The following PARP4 variants were observed in gnomAD, a reference collection of about 807,000 sequenced individuals.
PARP4 encodes the protein protein mono-ADP-ribosyltransferase PARP4.
In PARP4, 120 loss-of-function variants were observed where a neutral mutation model predicts 187.7. The observed-to-expected ratio is 0.64, with a 90% CI of 0.55 to 0.74. The LOEUF (loss-of-function observed/expected upper bound fraction) is 0.74. PARP4 is among the 30% of genes least tolerant of loss of function. The pLI, the probability that PARP4 is intolerant of heterozygous loss-of-function variation, is 0.00. For missense variants in PARP4, 1,836 were observed against 2,070.5 expected (o/e 0.89, Z 2.20); for synonymous variants, 654 against 740.9 (o/e 0.88, Z 1.90).
At chr13:24,431,971 C>A (rs1489149396) in intron 31 of PARP4, among the ~76,000 whole-genome samples, 2 of 152,170 alleles carry the variant, frequency 1.3e-5, no homozygotes, top group African/African-American at 4.8e-5. Flanking sequence ...TCATGATCCA[C>A]CCGCCTCGGC....
At position 24,435,546 on chromosome 13, in the gene PARP4, T is replaced by C. The variant is rs926006267; in HGVS notation, c.3667-72A>G. Reference sequence around the variant, plus strand: ...AAAAGAACAATCAAGCAAACATTCTTCCTAGCACTTGACTTCCCACCCATC... The same window carrying C: ...AAAAGAACAATCAAGCAAACATTCTCCCTAGCACTTGACTTCCCACCCATC... On this transcript the variant is annotated intron_variant, in intron 30 of 33. Coordinates refer to ENST00000381989, the MANE Select transcript of PARP4 (RefSeq NM_006437.4). 85 of 1,463,414 alleles carry C rather than the reference T, an allele frequency of 5.8e-5. No homozygotes were observed. In the African/African-American group the frequency reaches 1.1e-3, roughly 19 times the overall value. 90.7% of individuals were successfully genotyped at this position (1,463,414 alleles called of 1,614,324 possible).
rs188447906 is a variant in PARP4, at chr13:24,423,026, A to G, written c.4980-1712T>C. ...GATCAATTTTGAAAATCTTTACTTT[A>G]TGATATTACAGTTCAAAAGCAGGTT... On this transcript the variant is annotated intron_variant, in intron 33 of 33. Transcript: ENST00000381989. 1.2e-3 allele frequency among the ~76,000 whole-genome samples: 176 copies of G among 152,320 alleles called. 3 individuals carry two copies. In the East Asian group the frequency reaches 0.018, roughly 16 times the overall value.
chr13:24,482,952 C>G (rs1873354479), intron 12 of PARP4, among the ~76,000 whole-genome samples: 1 of 152,164 alleles, frequency 6.6e-6, no homozygotes, highest in Non-Finnish European at 1.5e-5. Context: ...TGTACGGATC[C>G]ATTCCACTGT....
At chr13:24,467,624 G>A (rs1188471771) in intron 17 of PARP4, among the ~76,000 whole-genome samples, 2 of 152,138 alleles carry the variant, frequency 1.3e-5, no homozygotes, top group Admixed American at 6.5e-5. Flanking sequence ...ATATAACAAT[G>A]CATGAATACC....
rs560765186 is a variant in PARP4 at position 24,446,751 on chromosome 13, C to A, written c.3296G>T (p.Cys1099Phe). 38 of 1,590,344 alleles carry A rather than the reference C, an allele frequency of 2.4e-5. No homozygotes were observed. Among genetic ancestry groups the A allele is most frequent in the Non-Finnish European group, 3.1e-5 (36 of 1,158,702 alleles). ...FIPHCTQATL[C>F]ALIQEKEFRT... ...AAATTCTTTCTCTTGAATTAGTGCA[C>A]ACAGAGTTGCCTGAAATGGGGAAAA... Residue 1099 changes from cysteine (C) to phenylalanine (F), a missense_variant, in exon 27 of 34, where the codon TGT (cysteine) becomes TTT (phenylalanine). Cys to Phe is a radical substitution (Grantham distance 205). Coordinates refer to ENST00000381989, the MANE Select transcript of PARP4 (RefSeq NM_006437.4).
intron 15 of PARP4, among the ~76,000 whole-genome samples, chr13:24,473,822 G>A (rs2137505103): frequency 6.6e-6 from 1 of 152,114 alleles, no homozygotes; most frequent in African/African-American, 2.4e-5. Flanking sequence ...AGACCCACCA[G>A]CCTCCCCTCC....
chr13:24,472,243 G>A (rs577003201), intron 15 of PARP4, among the ~76,000 whole-genome samples: 8 of 152,258 alleles, frequency 5.3e-5, no homozygotes, highest in Admixed American at 1.3e-4. Context: ...CTTAGGAAAT[G>A]GTAACCATTA....
chr13:24,499,513 G>GT (rs1869157999), intron 4 of PARP4, 137 bp from the exon 5 acceptor site: 2 of 672,486 alleles, frequency 3.0e-6, no homozygotes, highest in Non-Finnish European at 4.7e-6. Flanking sequence ...AGTCCACATG[G>GT]TAAGTCCCTA....
chr13:24,449,245 A>G (rs763158589), intron 25 of PARP4, among the ~76,000 whole-genome samples: 26 of 152,202 alleles, frequency 1.7e-4, no homozygotes, highest in East Asian at 5.8e-4. Context: ...ACAATTAGCC[A>G]GGCATGGTGG....
At chr13:24,477,398 G>A in intron 14 of PARP4, among the ~76,000 whole-genome samples, 1 of 152,032 alleles carries the variant, frequency 6.6e-6, no homozygotes, top group Non-Finnish European at 1.5e-5. Context: ...GTTTGAGGCT[G>A]CAGTGCACTT....
chr13:24,505,079 T>C (rs1869543981), intron 1 of PARP4, among the ~76,000 whole-genome samples: 1 of 149,196 alleles, frequency 6.7e-6, no homozygotes, highest in African/African-American at 2.5e-5. Context: ...CTCAGCTCAC[T>C]GTAATCTCTG....
At chr13:24,505,013 T>TTC (rs200861461) in intron 1 of PARP4, among the ~76,000 whole-genome samples, 11,734 of 150,690 alleles carry the variant, frequency 0.078, 636 homozygotes, top group Non-Finnish European at 0.12. Context: ...CTTTTTTTTT[T>TTC]TTTTTTTTGA....
rs33930012 is a variant in PARP4, at chr13:24,457,770, CAA to C, written c.2424+1272_2424+1273del. On this transcript the variant is annotated intron_variant, in intron 20 of 33. Transcript: ENST00000381989. Reference sequence around the variant, plus strand: ...TGGGAAACAGAGTAAGACTCTGTCTCAAAAAAAAAAAAAAAAAAAAAAAAAAG... The same window carrying C: ...TGGGAAACAGAGTAAGACTCTGTCTCAAAAAAAAAAAAAAAAAAAAAAAAG... 9.3e-3 allele frequency among the ~76,000 whole-genome samples: 792 copies of C among 85,402 alleles called. 1 individual carries two copies. Among genetic ancestry groups the C allele is most frequent in the African/African-American group, 0.038 (758 of 19,718 alleles). 56.0% of individuals were successfully genotyped at this position (85,402 alleles called of 152,430 possible).
chr13:24,452,370 G>C, intron 24 of PARP4, 36 bp downstream of exon 24: 7 of 1,542,178 alleles, frequency 4.5e-6, no homozygotes, highest in African/African-American at 1.4e-5. Context: ...ACCTCCCCGT[G>C]GGTCTGGACT....
chr13:24,470,167 T>C (rs1872671292), intron 15 of PARP4, 142 bp from the exon 16 acceptor site: 1 of 714,528 alleles, frequency 1.4e-6, no homozygotes, highest in African/African-American at 1.8e-5. Flanking sequence ...CAACCCTGGC[T>C]TCACTTCTGC....
At chr13:24,449,530 A>C (rs1308517530) in intron 25 of PARP4, among the ~76,000 whole-genome samples, 188 bp downstream of exon 25, 1 of 152,178 alleles carries the variant, frequency 6.6e-6, no homozygotes, top group Non-Finnish European at 1.5e-5. Context: ...AGCTGGGAGA[A>C]TGACCTGATG....
chr13:24,466,755 C>T (rs1162818017), intron 17 of PARP4, among the ~76,000 whole-genome samples: 7 of 142,518 alleles, frequency 4.9e-5, no homozygotes, highest in East Asian at 2.2e-4. Context: ...GCCAAAATCA[C>T]GCCACTGCAC....
At chr13:24,431,278 C>A in intron 32 of PARP4, 99 bp downstream of exon 32, 1 of 678,076 alleles carries the variant, frequency 1.5e-6, no homozygotes, top group Non-Finnish European at 2.5e-6. Context: ...ATAATTATTA[C>A]ATTAATACAC....
In PARP4 at chr13:24,492,470, G is replaced by C; in HGVS notation, c.1004C>G (p.Pro335Arg). Residue 335 changes from proline to arginine, a missense_variant, in exon 9 of 34, where the codon CCC becomes CGC. By Grantham distance (103) the Pro-to-Arg change is moderately radical (BLOSUM62 -2). Around this residue, in one of 8 missense-constraint regions of PARP4, gnomAD observed 1,147 missense variants for 1,214.2 expected, o/e 0.94. Transcript: ENST00000381989. ...CAATAGTCCCAGGTTCACTTCTTTGGGCATTGTGCCTTTGTGAGGTATCAG... is the reference window on the plus strand; with the variant it reads ...CAATAGTCCCAGGTTCACTTCTTTGCGCATTGTGCCTTTGTGAGGTATCAG... ...YRLIPHKGTMPKEVNLGLLAK... is the reference protein window; with the variant it reads ...YRLIPHKGTMRKEVNLGLLAK... The C allele has an allele frequency of 1.2e-6, 2 of 1,613,934 alleles. No homozygotes were observed. Among genetic ancestry groups the C allele is most frequent in the Non-Finnish European group, 1.7e-6 (2 of 1,179,928 alleles).
Sources: allele counts gnomAD v4.1 joint callset (sites outside exome capture counted in the v4.1 genomes callset), GRCh38; gene constraint gnomAD v4.1.1; regional missense constraint gnomAD v4.1.1; transcripts MANE v1.5; gene names NCBI Gene and HGNC (gene_info 2026-07-23, HGNC 2026-07-21).